Variants in SCHIP1 observed in about 807,000 individuals in gnomAD.
The protein encoded by SCHIP1 is schwannomin-interacting protein 1.
In SCHIP1, 8 loss-of-function variants were observed where a neutral mutation model predicts 29.7. That is an observed-to-expected ratio of 0.27 (90% confidence interval 0.16 to 0.49). The LOEUF is 0.49. Among genes scored for constraint, SCHIP1 ranks in the 20% least tolerant of loss-of-function variants. SCHIP1 has a pLI of 0.99. For synonymous variants in SCHIP1, 76 were observed against 94.9 expected, an observed-to-expected ratio of 0.80 and a Z score of 1.16; for missense variants, 193 against 294.6, an observed-to-expected ratio of 0.66 and a Z score of 2.52.
At chr3:159,448,196 CATT>C in the SCHIP1 span, among the ~76,000 whole-genome samples, 1 of 152,106 alleles carries the variant, frequency 6.6e-6, no homozygotes, top group Non-Finnish European at 1.5e-5. Context: ...AGCCTTTTAA[CATT>C]GTTGTTCTTC....
the SCHIP1 span, among the ~76,000 whole-genome samples, chr3:159,777,598 A>G: frequency 6.6e-6 from 1 of 152,096 alleles, no homozygotes; most frequent in Non-Finnish European, 1.5e-5. Context: ...GTCATGATTT[A>G]TTTTTTATTA....
the SCHIP1 span, among the ~76,000 whole-genome samples, chr3:159,702,095 A>T: frequency 6.6e-6 from 1 of 152,238 alleles, no homozygotes; most frequent in African/African-American, 2.4e-5. Flanking sequence ...TGGGAAATAA[A>T]TCCATTTTGA....
At chr3:159,332,932 C>T in the SCHIP1 span, among the ~76,000 whole-genome samples, 2 of 152,320 alleles carry the variant, frequency 1.3e-5, no homozygotes, top group East Asian at 1.9e-4. Flanking sequence ...GGAAGAGTTG[C>T]TCCTGCATCA....
the SCHIP1 span, among the ~76,000 whole-genome samples, chr3:159,558,511 G>A: frequency 6.6e-6 from 1 of 152,086 alleles, no homozygotes; most frequent in Admixed American, 6.5e-5. Context: ...ATCTAACTTG[G>A]TGTCCTAGTT....
the SCHIP1 span, chr3:159,386,717 G>C: frequency 6.6e-6 from 1 of 151,984 alleles, no homozygotes; most frequent in East Asian, 1.9e-4. Context: ...TTTTAAAATG[G>C]GCTTAGTTAG....
At chr3:159,714,552 T>G in the SCHIP1 span, among the ~76,000 whole-genome samples, 11 of 152,330 alleles carry the variant, frequency 7.2e-5, no homozygotes, top group Admixed American at 5.2e-4. Flanking sequence ...ACCCTAATAC[T>G]GCACTTTTCC....
At chr3:159,792,061 A>C in the SCHIP1 span, among the ~76,000 whole-genome samples, 578 of 152,268 alleles carry the variant, frequency 3.8e-3, 2 homozygotes, top group African/African-American at 0.012. Context: ...TGGGCCTAGA[A>C]AAAAAATGAC....
At chr3:159,410,102 C>T in the SCHIP1 span, among the ~76,000 whole-genome samples, 1 of 152,080 alleles carries the variant, frequency 6.6e-6, no homozygotes, top group African/African-American at 2.4e-5. Flanking sequence ...ATCCCTATCT[C>T]TCACCATATA....
At chr3:159,550,056 CTCTTA>C in the SCHIP1 span, among the ~76,000 whole-genome samples, 22 of 63,330 alleles carry the variant, frequency 3.5e-4, no homozygotes, top group East Asian at 4.5e-3. Context: ...TTCTGTTTTT[CTCTTA>C]TCTTAAGATA....
the SCHIP1 span, among the ~76,000 whole-genome samples, chr3:159,329,626 A>C: frequency 1.3e-5 from 2 of 152,150 alleles, no homozygotes; most frequent in Admixed American, 1.3e-4. Flanking sequence ...TTTCCTATTT[A>C]TCGACATAAA....
At chr3:159,801,415 A>T in the SCHIP1 span, among the ~76,000 whole-genome samples, 2 of 152,212 alleles carry the variant, frequency 1.3e-5, no homozygotes. Flanking sequence ...AGTATATATG[A>T]GTACATAATA....
the SCHIP1 span, among the ~76,000 whole-genome samples, chr3:159,771,879 A>G: frequency 1.3e-5 from 2 of 152,174 alleles, no homozygotes; most frequent in African/African-American, 4.8e-5. Flanking sequence ...TTTGCCTACC[A>G]ATTAGTTTGT....
chr3:159,543,775 T>A, the SCHIP1 span, among the ~76,000 whole-genome samples: 1 of 152,210 alleles, frequency 6.6e-6, no homozygotes, highest in South Asian at 2.1e-4. Flanking sequence ...TAGTTCTAGA[T>A]CCCTGATGAA....
At chr3:159,486,539 GTT>G in the SCHIP1 span, among the ~76,000 whole-genome samples, 6 of 152,160 alleles carry the variant, frequency 3.9e-5, no homozygotes, top group Admixed American at 3.9e-4. Context: ...TCTTCTAGGA[GTT>G]TTGTGATTTC....
At chr3:159,310,127 G>A in the SCHIP1 span, among the ~76,000 whole-genome samples, 1 of 152,136 alleles carries the variant, frequency 6.6e-6, no homozygotes, top group East Asian at 1.9e-4. Context: ...CCTCTTATTA[G>A]TGGGGGCATT....
the SCHIP1 span, among the ~76,000 whole-genome samples, chr3:159,284,165 C>T: frequency 2.0e-5 from 3 of 152,080 alleles, no homozygotes; most frequent in Non-Finnish European, 4.4e-5. Context: ...TAAAACCGTA[C>T]AGCCACAATG....
chr3:159,445,542 A>T, the SCHIP1 span, among the ~76,000 whole-genome samples: 1 of 152,144 alleles, frequency 6.6e-6, no homozygotes. Flanking sequence ...TACCCAAAGG[A>T]CTATAAATTA....
the SCHIP1 span, among the ~76,000 whole-genome samples, chr3:159,491,673 C>A: frequency 6.6e-6 from 1 of 152,258 alleles, no homozygotes; most frequent in Admixed American, 6.5e-5. Context: ...GGCTCCACCT[C>A]TGGTGGCAGG....
At chr3:159,680,449 C>A in the SCHIP1 span, among the ~76,000 whole-genome samples, 3 of 142,458 alleles carry the variant, frequency 2.1e-5, no homozygotes, top group African/African-American at 7.9e-5. Flanking sequence ...GCGGAGGTTG[C>A]AGTGAGCCGA....
Sources: allele counts gnomAD v4.1 joint callset (sites outside exome capture counted in the v4.1 genomes callset), GRCh38; gene constraint gnomAD v4.1.1; transcripts MANE v1.5; gene names NCBI Gene and HGNC (gene_info 2026-07-23, HGNC 2026-07-21).